The following CAMK2D variants were observed in gnomAD, a reference collection of about 807,000 sequenced individuals.
CAMK2D encodes calcium/calmodulin-dependent protein kinase type II subunit delta.
A neutral mutation model predicts 84.0 loss-of-function variants in CAMK2D; 37 were observed. The ratio of observed to expected loss-of-function variants is 0.44; its 90% confidence interval spans 0.34 to 0.58. The LOEUF is 0.58. CAMK2D is among the 20% of genes least tolerant of loss of function. CAMK2D has a pLI of 0.02. For missense variants in CAMK2D, 448 were observed against 652.5 expected (o/e 0.69, Z 3.41); for synonymous variants, 202 against 212.5 (o/e 0.95, Z 0.43).
chr4:113,750,214 A>G (rs975986247), intron 2 of CAMK2D, among the ~76,000 whole-genome samples: 1 of 152,198 alleles, frequency 6.6e-6, no homozygotes, highest in African/African-American at 2.4e-5. Context: ...GAAAGTAAGG[A>G]GAGGTGGGGG....
chr4:113,638,488 G>A (rs1013676326), intron 3 of CAMK2D, among the ~76,000 whole-genome samples: 2 of 152,136 alleles, frequency 1.3e-5, no homozygotes, highest in Non-Finnish European at 2.9e-5. Context: ...AGATACCTAC[G>A]AGATGCAAAA....
chr4:113,732,427 A>G (rs1323680900), intron 2 of CAMK2D, among the ~76,000 whole-genome samples: 1 of 151,792 alleles, frequency 6.6e-6, no homozygotes, highest in Non-Finnish European at 1.5e-5. Flanking sequence ...CCCACCCTGC[A>G]CTCCTTTTTA....
chr4:113,626,654 T>C (rs10016002), intron 3 of CAMK2D, among the ~76,000 whole-genome samples: 13,590 of 152,162 alleles, frequency 0.089, 1,853 homozygotes, highest in African/African-American at 0.29. Flanking sequence ...TGACTACCAA[T>C]AGCTTGCTCT....
chr4:113,503,960 T>C (rs554240682), intron 14 of CAMK2D, among the ~76,000 whole-genome samples: 82 of 152,298 alleles, frequency 5.4e-4, no homozygotes, highest in African/African-American at 1.2e-3. Context: ...TGCTGTAATA[T>C]TGAGAGACAT....
intron 3 of CAMK2D, among the ~76,000 whole-genome samples, chr4:113,641,358 A>G (rs1482831250): frequency 6.6e-6 from 1 of 152,232 alleles, no homozygotes; most frequent in Non-Finnish European, 1.5e-5. Context: ...TGTACAGAGC[A>G]CATAGTAAAG....
intron 16 of CAMK2D, among the ~76,000 whole-genome samples, chr4:113,492,594 G>A (rs1221061540): frequency 6.6e-6 from 1 of 151,668 alleles, no homozygotes; most frequent in African/African-American, 2.4e-5. Flanking sequence ...GGTGTGGTGT[G>A]GTGCTGAAAA....
intron 2 of CAMK2D, among the ~76,000 whole-genome samples, chr4:113,750,828 G>A (rs1024362054): frequency 2.2e-4 from 33 of 151,920 alleles, no homozygotes; most frequent in African/African-American, 8.0e-4. Flanking sequence ...CCAGCCTGAG[G>A]AACACAGAGA....
rs929451530 is a variant in CAMK2D, at chr4:113,722,904, GGAGA to G, written c.160+36412_160+36415del. 2.6e-5 allele frequency among the ~76,000 whole-genome samples: 4 copies of G among 152,034 alleles called. No individual in the cohort carries two copies. The East Asian group carries it at 5.8e-4, about 22-fold the overall frequency. ...GCAGAGATGAAGGGGAAGTGAAGTA[GGAGA>G]GAGAGAGAGAAGGTCACTAATTGCA... On this transcript the variant is annotated intron_variant, in intron 2 of 20. Coordinates refer to ENST00000511664, the MANE Select transcript of CAMK2D (RefSeq NM_001321571.2).
chr4:113,489,675 T>A (rs2097803830), intron 16 of CAMK2D, among the ~76,000 whole-genome samples: 1 of 149,740 alleles, frequency 6.7e-6, no homozygotes, highest in Non-Finnish European at 1.5e-5. Context: ...GATGGCTGGG[T>A]CAAATGGTAT....
chr4:113,757,669 T>G (rs932842240), intron 2 of CAMK2D, among the ~76,000 whole-genome samples: 1 of 152,066 alleles, frequency 6.6e-6, no homozygotes, highest in African/African-American at 2.4e-5. Flanking sequence ...CCAGAAGCGG[T>G]AAAAAGCTTT....
At chr4:113,683,272 C>G (rs2099350838) in intron 2 of CAMK2D, among the ~76,000 whole-genome samples, 2 of 152,150 alleles carry the variant, frequency 1.3e-5, no homozygotes, top group Admixed American at 1.3e-4. Flanking sequence ...TGTAATGGTT[C>G]AGTTTCAAGC....
At chr4:113,580,967 G>A (rs1252915841) in intron 4 of CAMK2D, among the ~76,000 whole-genome samples, 1 of 151,924 alleles carries the variant, frequency 6.6e-6, no homozygotes, top group East Asian at 1.9e-4. Context: ...TGCATGCTGG[G>A]CTTAATACCT....
At chr4:113,525,081 G>C (rs969725213) in intron 8 of CAMK2D, among the ~76,000 whole-genome samples, 1 of 152,268 alleles carries the variant, frequency 6.6e-6, no homozygotes, top group South Asian at 2.1e-4. Context: ...GCTGAAATAT[G>C]AAAAGGTTAA....
At chr4:113,674,532 T>G (rs971401050) in intron 2 of CAMK2D, among the ~76,000 whole-genome samples, 2 of 151,994 alleles carry the variant, frequency 1.3e-5, no homozygotes, top group African/African-American at 4.8e-5. Flanking sequence ...CAATGCCACT[T>G]AAATTGTCTG....
intron 2 of CAMK2D, among the ~76,000 whole-genome samples, chr4:113,668,986 G>A (rs1174016284): frequency 6.6e-6 from 1 of 152,036 alleles, no homozygotes; most frequent in Non-Finnish European, 1.5e-5. Context: ...GGACTGTAAA[G>A]GAATAAATAT....
intron 3 of CAMK2D, among the ~76,000 whole-genome samples, chr4:113,633,573 G>C (rs2099098723): frequency 6.6e-6 from 1 of 152,064 alleles, no homozygotes; most frequent in Non-Finnish European, 1.5e-5. Flanking sequence ...CTTCCAGGGG[G>C]AATTAATGTC....
chr4:113,493,936 G>A (rs1463277523), intron 16 of CAMK2D, among the ~76,000 whole-genome samples: 16 of 151,914 alleles, frequency 1.1e-4, no homozygotes, highest in African/African-American at 2.4e-4. Flanking sequence ...TGATCGCATC[G>A]GCTCCTGAGG....
chr4:113,505,957 C>T (rs897674908), intron 13 of CAMK2D, among the ~76,000 whole-genome samples: 1 of 152,110 alleles, frequency 6.6e-6, no homozygotes, highest in Non-Finnish European at 1.5e-5. Flanking sequence ...CTTTTAAACT[C>T]ATGCATGACA....
At chr4:113,617,730 G>A (rs1421563718) in intron 3 of CAMK2D, among the ~76,000 whole-genome samples, 1 of 151,866 alleles carries the variant, frequency 6.6e-6, no homozygotes, top group Non-Finnish European at 1.5e-5. Context: ...TTGAATGCCT[G>A]GTTCAAGCAA....
Sources: allele counts gnomAD v4.1 joint callset (sites outside exome capture counted in the v4.1 genomes callset), GRCh38; gene constraint gnomAD v4.1.1; transcripts MANE v1.5; gene names NCBI Gene and HGNC (gene_info 2026-07-23, HGNC 2026-07-21).